The following CNTN5 variants were observed in gnomAD, a reference collection of about 807,000 sequenced individuals.
CNTN5 encodes the protein contactin 5.
CNTN5 carries 77 observed loss-of-function variants against 129.1 expected under a neutral mutation model. The ratio of observed to expected loss-of-function variants is 0.60; its 90% confidence interval spans 0.50 to 0.72. The LOEUF (loss-of-function observed/expected upper bound fraction) is 0.72. Ranked by LOEUF, CNTN5 falls within the 30% of genes least tolerant of loss-of-function variation. The pLI is 0.00. For synonymous variants in CNTN5, 509 were observed against 465.6 expected, an observed-to-expected ratio of 1.09 and a Z score of -1.20; for missense variants, 1,478 against 1,328.8, an observed-to-expected ratio of 1.11 and a Z score of -1.75.
intron 2 of CNTN5, among the ~76,000 whole-genome samples, chr11:99,385,733 A>G (rs1940886009): frequency 6.6e-6 from 1 of 152,168 alleles, no homozygotes; most frequent in Non-Finnish European, 1.5e-5. Context: ...TAACTGGAAG[A>G]TCCAGAATAA....
At chr11:99,679,115 ATATG>A in intron 3 of CNTN5, among the ~76,000 whole-genome samples, 1 of 147,794 alleles carries the variant, frequency 6.8e-6, no homozygotes, top group East Asian at 1.9e-4. Context: ...GGAAATATAT[ATATG>A]TATATACTTA....
At chr11:99,331,783 A>G (rs937118837) in intron 2 of CNTN5, among the ~76,000 whole-genome samples, 3 of 152,132 alleles carry the variant, frequency 2.0e-5, no homozygotes, top group Non-Finnish European at 4.4e-5. Context: ...AATAAAATAT[A>G]CCTACTTGAT....
intron 7 of CNTN5, among the ~76,000 whole-genome samples, chr11:99,945,454 A>G (rs995752737): frequency 6.7e-6 from 1 of 150,224 alleles, no homozygotes; most frequent in African/African-American, 2.4e-5. Flanking sequence ...GATTCTGCAT[A>G]GAAGGTAAAC....
chr11:100,182,738 G>C (rs920501889), intron 13 of CNTN5, among the ~76,000 whole-genome samples: 1 of 151,820 alleles, frequency 6.6e-6, no homozygotes, highest in Non-Finnish European at 1.5e-5. Flanking sequence ...CCTTAGGTTA[G>C]GTAAATATTT....
At chr11:99,158,289 A>G (rs1200673513) in intron 1 of CNTN5, among the ~76,000 whole-genome samples, 1 of 152,138 alleles carries the variant, frequency 6.6e-6, no homozygotes, top group Non-Finnish European at 1.5e-5. Flanking sequence ...ATGTCAGGCA[A>G]AGAACCATAG....
chr11:99,937,957 GAAAC>G (rs1182647537), intron 7 of CNTN5, among the ~76,000 whole-genome samples: 3 of 152,154 alleles, frequency 2.0e-5, no homozygotes, highest in Non-Finnish European at 4.4e-5. Context: ...TTTAACAAAA[GAAAC>G]AAAACATTCC....
chr11:100,055,363 G>GTT (rs1456183179), intron 9 of CNTN5, among the ~76,000 whole-genome samples: 1 of 151,050 alleles, frequency 6.6e-6, no homozygotes, highest in East Asian at 1.9e-4. Context: ...TTTTATTGCT[G>GTT]TTGCTATTAC....
intron 18 of CNTN5, among the ~76,000 whole-genome samples, chr11:100,271,596 T>A (rs1288659094): frequency 6.6e-6 from 1 of 152,094 alleles, no homozygotes; most frequent in Non-Finnish European, 1.5e-5. Flanking sequence ...CCTTCTTTTT[T>A]TCCAGTGATA....
In CNTN5 at chr11:100,253,858, C is replaced by T. The variant is rs192127653; in HGVS notation, c.2006-1902C>T. 1.7e-3 allele frequency among the ~76,000 whole-genome samples: 253 copies of T among 152,264 alleles called. 1 individual carries two copies. Among genetic ancestry groups the T allele is most frequent in the African/African-American group, 5.7e-3 (235 of 41,566 alleles). On this transcript the variant is annotated intron_variant, in intron 16 of 24. Coordinates refer to ENST00000524871, the MANE Select transcript of CNTN5 (RefSeq NM_014361.4). ...TAGATAAACAAAAACCAACTTCTTA[C>T]TCAAAACCACCCTACCTCTAAAATC...
chr11:99,897,515 AT>A (rs879385197), intron 6 of CNTN5, among the ~76,000 whole-genome samples: 4 of 152,254 alleles, frequency 2.6e-5, no homozygotes, highest in East Asian at 1.9e-4. Context: ...TAAAAAAAAA[AT>A]GTCAGCTAAG....
chr11:99,151,203 T>C (rs1481187749), intron 1 of CNTN5, among the ~76,000 whole-genome samples: 1 of 151,018 alleles, frequency 6.6e-6, no homozygotes, highest in Non-Finnish European at 1.5e-5. Flanking sequence ...CTTTGTCAAC[T>C]TTTTTTTTAA....
chr11:100,088,707 C>A (rs1944646050), intron 13 of CNTN5, among the ~76,000 whole-genome samples: 1 of 152,016 alleles, frequency 6.6e-6, no homozygotes, highest in African/African-American at 2.4e-5. Flanking sequence ...AAAGCCTGAA[C>A]AGACCAGTAT....
chr11:99,702,172 T>A (rs890845100), intron 3 of CNTN5, among the ~76,000 whole-genome samples: 1 of 151,088 alleles, frequency 6.6e-6, no homozygotes, highest in Admixed American at 6.6e-5. Flanking sequence ...AAATCTAATT[T>A]TCCATTTTTA....
At chr11:99,469,478 G>A (rs2135268694) in intron 2 of CNTN5, among the ~76,000 whole-genome samples, 1 of 151,694 alleles carries the variant, frequency 6.6e-6, no homozygotes, top group East Asian at 1.9e-4. Flanking sequence ...ATTTTTAATT[G>A]TTCATTATTT....
intron 21 of CNTN5, among the ~76,000 whole-genome samples, chr11:100,325,590 C>T (rs1951773661): frequency 6.6e-6 from 1 of 152,124 alleles, no homozygotes; most frequent in Non-Finnish European, 1.5e-5. Context: ...TTTATCTTTT[C>T]TTCAACAAAA....
intron 8 of CNTN5, among the ~76,000 whole-genome samples, chr11:99,990,139 C>T (rs1938971782): frequency 6.6e-6 from 1 of 152,118 alleles, no homozygotes; most frequent in African/African-American, 2.4e-5. Context: ...TCAGGCCTTA[C>T]ATTTCTAAGA....
intron 2 of CNTN5, among the ~76,000 whole-genome samples, chr11:99,436,915 C>A (rs1777398489): frequency 6.6e-6 from 1 of 152,056 alleles, no homozygotes; most frequent in South Asian, 2.1e-4. Flanking sequence ...ATAACCTCTC[C>A]CTAAAAGGTT....
At chr11:100,033,839 A>C (rs1427973867) in intron 9 of CNTN5, among the ~76,000 whole-genome samples, 1 of 152,200 alleles carries the variant, frequency 6.6e-6, no homozygotes, top group Non-Finnish European at 1.5e-5. Flanking sequence ...TCCCACAGGC[A>C]AGGTCAGATG....
At chr11:99,064,302 G>A (rs1329521723) in intron 1 of CNTN5, among the ~76,000 whole-genome samples, 1 of 152,100 alleles carries the variant, frequency 6.6e-6, no homozygotes, top group Non-Finnish European at 1.5e-5. Flanking sequence ...AGCTGCATGG[G>A]CATGATTTGC....
Sources: gnomAD v4.1 joint callset for allele counts (sites outside exome capture counted in the v4.1 genomes callset) on GRCh38, gnomAD v4.1.1 for gene constraint, MANE v1.5 for transcripts, NCBI Gene and HGNC (gene_info 2026-07-23, HGNC 2026-07-21) for gene names.